Variants in DBF4B observed in about 807,000 individuals in gnomAD.
DBF4B encodes protein DBF4 homolog B.
DBF4B carries 49 observed loss-of-function variants against 53.4 expected under a neutral mutation model. The observed-to-expected ratio is 0.92, with a 90% confidence interval of 0.73 to 1.16. DBF4B has a LOEUF of 1.16. Among genes scored for constraint, DBF4B ranks in the 50% most tolerant of loss-of-function variants. The probability of loss-of-function intolerance (pLI) is 0.00; values close to 1 mark genes in which losing one functional copy is unlikely to be tolerated. For synonymous variants in DBF4B, 257 were observed against 288.7 expected, an observed-to-expected ratio of 0.89 and a Z score of 1.11; for missense variants, 692 against 775.0, an observed-to-expected ratio of 0.89 and a Z score of 1.27.
chr17:44,730,048 T>G lies in DBF4B; in HGVS notation c.369T>G (p.Val123=). ...TCAGAGTGGAAACATCGGCCATGGT[T>G]GATCCAAAAGGCAGCCACCCCAGGC... ...SEVRVETSAM[V]DPKGSHPRPS... is the part of the protein sequence containing the mutation. The change falls in exon 4 of 14, where the codon GTT becomes GTG. Residue 123 remains valine, a synonymous_variant. Coordinates refer to ENST00000315005, the MANE Select transcript of DBF4B (RefSeq NM_145663.3). The G allele has an allele frequency of 6.2e-7, 1 of 1,613,116 alleles. No individual in the cohort carries two copies. The highest frequency in any genetic ancestry group is 8.5e-7 in the Non-Finnish European group (1 of 1,180,020).
Position 44,751,696 on chromosome 17 carries a change from C to T in DBF4B, c.*443C>T. ...GGCTCCTTCCTGCGGTCTATACCTACCGCCTCCTCTTCACCTCCTTCCCTT... is the reference window on the plus strand; with the variant it reads ...GGCTCCTTCCTGCGGTCTATACCTATCGCCTCCTCTTCACCTCCTTCCCTT... On this transcript the variant is annotated 3_prime_UTR_variant, in exon 14 of 14. Transcript: ENST00000315005. The T allele has an allele frequency of 7.0e-7, 1 of 1,428,972 alleles. No individual in the cohort carries two copies. The allele number at this position is 1,428,972 out of a possible 1,614,324, so 88.5% of individuals were successfully genotyped here.
chr17:44,723,127 GAC>G, intron 3 of DBF4B, 105 bp downstream of exon 3: 3 of 1,456,018 alleles, frequency 2.1e-6, no homozygotes, highest in Non-Finnish European at 2.8e-6. Context: ...TCTTTTTTGA[GAC>G]AGAGTCTTGC....
intron 4 of DBF4B, among the ~76,000 whole-genome samples, chr17:44,730,500 G>T (rs921113219): frequency 1.4e-4 from 21 of 152,168 alleles, no homozygotes; most frequent in African/African-American, 4.1e-4. Flanking sequence ...ATTTAAAATG[G>T]AATATGGCTT....
At chr17:44,724,598 C>T (rs887920215) in intron 3 of DBF4B, among the ~76,000 whole-genome samples, 6 of 152,132 alleles carry the variant, frequency 3.9e-5, no homozygotes, top group African/African-American at 9.7e-5. Flanking sequence ...CCAGGATGGT[C>T]TTGATCTCCT....
chr17:44,747,566 C>T (rs767296136), intron 12 of DBF4B, 51 bp downstream of exon 12: 2 of 1,603,638 alleles, frequency 1.2e-6, no homozygotes. Context: ...CCTCTGTTGC[C>T]CTCTGGGTGG....
rs1598808290 is a variant in DBF4B, at chr17:44,730,097, G to T, written c.417+1G>T. 6.2e-7 allele frequency: 1 copy of T among 1,612,156 alleles called. No individual in the cohort carries two copies. The highest frequency in any genetic ancestry group is 2.2e-5 in the East Asian group (1 of 44,892). Reference sequence around the variant, plus strand: ...GCCTTCACGGAAACCCGTTGACTCGGTAAGAACCTCATGTAGGAAAGGTAT... The same window carrying T: ...GCCTTCACGGAAACCCGTTGACTCGTTAAGAACCTCATGTAGGAAAGGTAT... On this transcript the variant is annotated splice_donor_variant, in intron 4 of 13. Transcript: ENST00000315005. LOFTEE classifies it high-confidence loss of function.
Position 44,747,517 on chromosome 17 carries a change from T to C in DBF4B, c.1064+2T>C, listed in dbSNP as rs920050672. 6.2e-7 allele frequency: 1 copy of C among 1,613,674 alleles called. No individual in the cohort carries two copies. The highest frequency in any genetic ancestry group is 1.3e-5 in the African/African-American group (1 of 75,046). On this transcript the variant is annotated splice_donor_variant, in intron 12 of 13. Coordinates refer to ENST00000315005, the MANE Select transcript of DBF4B (RefSeq NM_145663.3). LOFTEE classifies it high-confidence loss of function. ...CCCTTTCCAGGCTGGCCTCCCCAGG[T>C]GAGTGCCACGCTGGCAGGCACAACT...
At chr17:44,730,288 C>T (rs1040655370) in intron 4 of DBF4B, among the ~76,000 whole-genome samples, 192 bp downstream of exon 4, 2 of 152,158 alleles carry the variant, frequency 1.3e-5, no homozygotes, top group African/African-American at 4.8e-5. Flanking sequence ...CCATGCTACC[C>T]TTTTATGCCT....
At chr17:44,730,890 C>T (rs1974775364) in intron 4 of DBF4B, 75 bp from the exon 5 acceptor site, 3 of 1,518,126 alleles carry the variant, frequency 2.0e-6, no homozygotes, top group Non-Finnish European at 2.7e-6. Flanking sequence ...TAACCCCTCA[C>T]CAGCTCCTGT....
At chr17:44,736,649 C>T (rs1006873798) in intron 7 of DBF4B, among the ~76,000 whole-genome samples, 181 bp from the exon 8 acceptor site, 1 of 152,068 alleles carries the variant, frequency 6.6e-6, no homozygotes, top group Non-Finnish European at 1.5e-5. Context: ...ATCGTGTTGC[C>T]GAAGAGGGAG....
At chr17:44,733,963 TGGCAGGCAAGGCTGGAGTGATTCAGTG>T in intron 6 of DBF4B, 100 bp from the exon 7 acceptor site, 2 of 724,834 alleles carry the variant, frequency 2.8e-6, no homozygotes, top group Non-Finnish European at 4.9e-6. Flanking sequence ...AGCCAGAAGG[TGGCAGGCAAGGCTGGAGTGATTCAGTG>T]GGCTGGCCCA....
chr17:44,726,332 A>ATTTT, intron 3 of DBF4B, among the ~76,000 whole-genome samples: 1 of 147,986 alleles, frequency 6.8e-6, no homozygotes, highest in Admixed American at 6.8e-5. Flanking sequence ...TTATTTATTT[A>ATTTT]TTTTTGCCTT....
intron 2 of DBF4B, among the ~76,000 whole-genome samples, chr17:44,712,237 C>T (rs1359199182): frequency 6.6e-6 from 1 of 151,626 alleles, no homozygotes; most frequent in Non-Finnish European, 1.5e-5. Flanking sequence ...TAGAAGCTAC[C>T]ACCTTATTTC....
rs74353125 is a variant in DBF4B, at chr17:44,708,755, G to A, written c.-66G>A. The A allele has an allele frequency of 6.5e-7, 1 of 1,536,336 alleles. No homozygotes were observed. The highest frequency in any genetic ancestry group is 8.8e-7 in the Non-Finnish European group (1 of 1,136,802). On this transcript the variant is annotated 5_prime_UTR_variant, in exon 1 of 14. Coordinates refer to ENST00000315005, the MANE Select transcript of DBF4B (RefSeq NM_145663.3). The stretch of plus-strand genomic sequence containing the variant: ...TGTGGAATCGGGAAGAGCTCATGGA[G>A]CTCGCGAATGTAATACGGAGGCCTC...
chr17:44,712,518 A>G (rs532981045), intron 2 of DBF4B, among the ~76,000 whole-genome samples: 13 of 151,548 alleles, frequency 8.6e-5, no homozygotes, highest in Non-Finnish European at 1.3e-4. Flanking sequence ...GTTAGCTAGG[A>G]TGGTCTTGAT....
In DBF4B at chr17:44,748,347, A is replaced by G. The variant is rs2049165003; in HGVS notation, c.1071A>G (p.Ser357=). The change falls in exon 13 of 14, where the codon TCA becomes TCG. Residue 357 remains serine, a synonymous_variant. Transcript: ENST00000315005. ...IPFQAGLPRW[S]GSPASDCDPL... Reference sequence around the variant, plus strand: ...AGTGTTTCTGTCCCAACAGGTGGTCAGGTTCCCCAGCTTCTGATTGTGACC... The same window carrying G: ...AGTGTTTCTGTCCCAACAGGTGGTCGGGTTCCCCAGCTTCTGATTGTGACC... 1.3e-6 allele frequency: 2 copies of G among 1,596,648 alleles called. No homozygotes were observed. Among genetic ancestry groups the G allele is most frequent in the African/African-American group, 2.7e-5 (2 of 74,734 alleles).
intron 9 of DBF4B, among the ~76,000 whole-genome samples, chr17:44,738,692 A>C (rs1457561161): frequency 1.3e-5 from 2 of 152,166 alleles, no homozygotes; most frequent in Non-Finnish European, 2.9e-5. Context: ...ACCTCCATTT[A>C]ATACTCTGCT....
intron 2 of DBF4B, among the ~76,000 whole-genome samples, chr17:44,714,251 A>G (rs1973143435): frequency 6.6e-6 from 1 of 152,128 alleles, no homozygotes; most frequent in African/African-American, 2.4e-5. Flanking sequence ...TGACAGGTGC[A>G]CTAAAATCTC....
At chr17:44,714,178 G>T (rs1287166931) in intron 2 of DBF4B, among the ~76,000 whole-genome samples, 1 of 152,092 alleles carries the variant, frequency 6.6e-6, no homozygotes, top group African/African-American at 2.4e-5. Flanking sequence ...TGATGAGGGG[G>T]AAGGTTAGGA....
Sources: gnomAD v4.1 joint callset for allele counts (sites outside exome capture counted in the v4.1 genomes callset) on GRCh38, gnomAD v4.1.1 for gene constraint, MANE v1.5 for transcripts, NCBI Gene and HGNC (gene_info 2026-07-23, HGNC 2026-07-21) for gene names.